DOCK1: variants seen among roughly 807,000 people sequenced by gnomAD.
DOCK1 encodes the protein dedicator of cytokinesis 1, also known as dedicator of cytokinesis protein 1.
A neutral mutation model predicts 262.7 loss-of-function variants in DOCK1; 138 were observed. That is an observed-to-expected ratio of 0.53 (90% CI 0.46 to 0.61). The LOEUF (loss-of-function observed/expected upper bound fraction) is 0.61, where lower values mean the gene tolerates loss of function less well. Among genes scored for constraint, DOCK1 ranks in the 20% least tolerant of loss-of-function variants. The pLI is 0.00. For synonymous variants in DOCK1, 866 were observed against 867.4 expected (o/e 1.00, Z 0.03); for missense variants, 1,908 against 2,370.7 (o/e 0.80, Z 4.05).
intron 27 of DOCK1, among the ~76,000 whole-genome samples, chr10:127,183,828 C>T (rs555681183): frequency 6.6e-6 from 1 of 152,166 alleles, no homozygotes; most frequent in Non-Finnish European, 1.5e-5. Context: ...AAAAATCTAC[C>T]TCTTATCAAT....
chr10:127,043,018 G>A (rs747886345), intron 20 of DOCK1, 46 bp from the exon 21 acceptor site: 10 of 1,409,248 alleles, frequency 7.1e-6, no homozygotes, highest in Admixed American at 1.9e-5. Context: ...TTATAAAATG[G>A]CTTACATTAT....
chr10:126,939,342 A>G (rs1357577000), intron 1 of DOCK1, among the ~76,000 whole-genome samples: 1 of 152,158 alleles, frequency 6.6e-6, no homozygotes, highest in Non-Finnish European at 1.5e-5. Flanking sequence ...GTAGCTTTGT[A>G]CTAAATTTTG....
chr10:127,418,726 G>A (rs2134466955), intron 45 of DOCK1, among the ~76,000 whole-genome samples, 185 bp downstream of exon 45: 1 of 152,348 alleles, frequency 6.6e-6, no homozygotes, highest in South Asian at 2.1e-4. Flanking sequence ...GTCAAGGCCG[G>A]AGTCCCGGCA....
At chr10:127,143,178 T>G (rs1344225430) in intron 27 of DOCK1, among the ~76,000 whole-genome samples, 1 of 152,202 alleles carries the variant, frequency 6.6e-6, no homozygotes, top group Non-Finnish European at 1.5e-5. Context: ...GAACACATTT[T>G]TAAAGTTGCC....
chr10:126,916,917 T>TTGTGGCTCCTGTGCCAGACACCCC lies in DOCK1; in HGVS notation c.46+11354_46+11355insTGTGGCTCCTGTGCCAGACACCCC, dbSNP rs1245122054. The stretch of plus-strand genomic sequence containing the variant: ...TGCAGAGAGACAGGTGGGAGCTGTG[T>TTGTGGCTCCTGTGCCAGACACCCC]GAGGCCAGCGGTGTTTCAGAATTCC... On this transcript the variant is annotated intron_variant, in intron 1 of 51. Transcript: ENST00000623213. Among the ~76,000 whole-genome samples, 282 of 107,676 alleles carry TTGTGGCTCCTGTGCCAGACACCCC rather than the reference T, an allele frequency of 2.6e-3. 6 individuals carry two copies. Among genetic ancestry groups the TTGTGGCTCCTGTGCCAGACACCCC allele is most frequent in the East Asian group, 6.8e-3 (19 of 2,800 alleles). The allele number at this position is 107,676 out of a possible 152,430, so 70.6% of individuals were successfully genotyped here.
At chr10:127,215,553 G>A (rs1299200613) in intron 27 of DOCK1, among the ~76,000 whole-genome samples, 1 of 152,126 alleles carries the variant, frequency 6.6e-6, no homozygotes, top group African/African-American at 2.4e-5. Flanking sequence ...CAATAATGAT[G>A]GATTGTGAAC....
rs1006222 is a variant in DOCK1 at position 127,352,940 on chromosome 10, G to C, written c.3225-1729G>C. Among the ~76,000 whole-genome samples, 566 of 152,316 alleles carry C rather than the reference G, an allele frequency of 3.7e-3. 3 individuals are homozygous for C. The highest frequency in any genetic ancestry group is 0.013 in the African/African-American group (522 of 41,576). The stretch of plus-strand genomic sequence containing the variant: ...ATCATCCCAGAATGAGAAGAACTCT[G>C]TGTAGCTGGGATGTGAGAAGCATGT... On this transcript the variant is annotated intron_variant, in intron 31 of 51. Transcript: ENST00000623213.
intron 1 of DOCK1, among the ~76,000 whole-genome samples, chr10:126,960,723 A>AATATATATATATATAT (rs1159655828): frequency 1.3e-4 from 18 of 134,652 alleles, no homozygotes; most frequent in African/African-American, 3.4e-4. Flanking sequence ...CCTACCCTCA[A>AATATATATATATATAT]ATATATATAT....
intron 33 of DOCK1, among the ~76,000 whole-genome samples, chr10:127,365,245 T>C (rs559625375): frequency 2.6e-4 from 39 of 152,380 alleles, no homozygotes; most frequent in African/African-American, 9.4e-4. Flanking sequence ...GCATATAGCT[T>C]GAATTTATTT....
intron 1 of DOCK1, among the ~76,000 whole-genome samples, chr10:126,923,636 A>G (rs1407336647): frequency 6.6e-6 from 1 of 152,184 alleles, no homozygotes; most frequent in Non-Finnish European, 1.5e-5. Flanking sequence ...AACAACAACA[A>G]AAACAATAAA....
chr10:127,084,942 G>T (rs1191980332), intron 23 of DOCK1, among the ~76,000 whole-genome samples: 1 of 152,194 alleles, frequency 6.6e-6, no homozygotes, highest in Non-Finnish European at 1.5e-5. Context: ...CTTAGCCTGG[G>T]TTGGCATGGA....
chr10:127,058,170 T>C (rs2045291849), intron 22 of DOCK1, among the ~76,000 whole-genome samples: 1 of 152,154 alleles, frequency 6.6e-6, no homozygotes. Flanking sequence ...AGAAACTGTT[T>C]TACATTTTTA....
At chr10:127,279,775 G>A (rs890881144) in intron 29 of DOCK1, among the ~76,000 whole-genome samples, 3 of 152,030 alleles carry the variant, frequency 2.0e-5, no homozygotes, top group African/African-American at 7.2e-5. Context: ...CAGTTCCCGA[G>A]GCTGGTGCCC....
At chr10:127,253,800 A>G (rs2059737390) in intron 28 of DOCK1, among the ~76,000 whole-genome samples, 1 of 139,784 alleles carries the variant, frequency 7.2e-6, no homozygotes, top group Non-Finnish European at 1.5e-5. Flanking sequence ...ACTTTAGCCT[A>G]GGAGTTTGAG....
At chr10:127,448,525 A>G (rs1303943128) in intron 51 of DOCK1, among the ~76,000 whole-genome samples, 8 of 152,164 alleles carry the variant, frequency 5.3e-5, no homozygotes, top group Admixed American at 2.0e-4. Context: ...GGAGGGCAGC[A>G]TGAGTGGGAT....
chr10:127,396,779 A>T (rs1000842197), intron 38 of DOCK1, among the ~76,000 whole-genome samples: 12 of 148,166 alleles, frequency 8.1e-5, no homozygotes, highest in Admixed American at 2.0e-4. Context: ...AAAAATCTTC[A>T]TTTTTTTATC....
intron 23 of DOCK1, among the ~76,000 whole-genome samples, chr10:127,085,698 C>T (rs11016100): frequency 0.011 from 1,601 of 152,068 alleles, 56 homozygotes; most frequent in East Asian, 0.073. Flanking sequence ...GCGGAGGTTG[C>T]AGTGAGCCGA....
intron 29 of DOCK1, among the ~76,000 whole-genome samples, chr10:127,268,432 G>A (rs901608393): frequency 7.5e-5 from 11 of 147,334 alleles, no homozygotes; most frequent in East Asian, 2.0e-4. Context: ...CCCAGGAGGC[G>A]GAGGTTGCAG....
chr10:127,160,027 A>G (rs1239136640), intron 27 of DOCK1, among the ~76,000 whole-genome samples: 1 of 152,174 alleles, frequency 6.6e-6, no homozygotes, highest in African/African-American at 2.4e-5. Context: ...CACATATCCA[A>G]GCTCTGCTTA....
Sources: allele counts gnomAD v4.1 joint callset (sites outside exome capture counted in the v4.1 genomes callset), GRCh38; gene constraint gnomAD v4.1.1; transcripts MANE v1.5; gene names NCBI Gene and HGNC (gene_info 2026-07-23, HGNC 2026-07-21).